KATNIP: variants seen among roughly 807,000 people sequenced by gnomAD.
KATNIP encodes the protein katanin interacting protein.
KATNIP carries 126 observed loss-of-function variants against 174.0 expected under a neutral mutation model. The ratio of observed to expected loss-of-function variants is 0.72; its 90% CI spans 0.63 to 0.84. The LOEUF is 0.84. KATNIP is among the 40% of genes least tolerant of loss of function. The pLI is 0.00. For synonymous variants in KATNIP, 810 were observed against 835.7 expected, an observed-to-expected ratio of 0.97 and a Z score of 0.53; for missense variants, 1,958 against 2,109.7, an observed-to-expected ratio of 0.93 and a Z score of 1.41.
intron 15 of KATNIP, among the ~76,000 whole-genome samples, chr16:27,747,685 G>A (rs766889982): frequency 3.9e-5 from 6 of 152,080 alleles, no homozygotes; most frequent in Non-Finnish European, 5.9e-5. Flanking sequence ...TGAGTGGAAG[G>A]GGAAGTGGAG....
chr16:27,736,812 C>G (rs955346915), intron 14 of KATNIP, among the ~76,000 whole-genome samples: 1 of 152,136 alleles, frequency 6.6e-6, no homozygotes, highest in Non-Finnish European at 1.5e-5. Flanking sequence ...TTGGGGGAGA[C>G]AGCCCAGAGT....
Position 27,771,618 on chromosome 16 carries a change from C to T in KATNIP, c.4164C>T (p.Ser1388=). The T allele has an allele frequency of 6.2e-6, 10 of 1,613,586 alleles. No homozygotes were observed. Among genetic ancestry groups the T allele is most frequent in the Non-Finnish European group, 8.5e-6 (10 of 1,179,760 alleles). Residue 1388 remains serine (S), a synonymous_variant, in exon 22 of 28, where the codon AGC becomes AGT. Coordinates refer to ENST00000261588, the MANE Select transcript of KATNIP (RefSeq NM_015202.5). ...RLDMRSLECA[S]MDYEAPLMPC... Reference sequence around the variant, plus strand: ...ACATGAGAAGCCTGGAGTGTGCAAGCATGGACTACGAGGCACCGCTGATGC... The same window carrying T: ...ACATGAGAAGCCTGGAGTGTGCAAGTATGGACTACGAGGCACCGCTGATGC...
intron 6 of KATNIP, among the ~76,000 whole-genome samples, chr16:27,666,030 T>C (rs894778359): frequency 4.6e-5 from 7 of 152,256 alleles, no homozygotes; most frequent in African/African-American, 1.7e-4. Context: ...ATTTGGTCTT[T>C]ATCCTGCTAT....
intron 6 of KATNIP, among the ~76,000 whole-genome samples, chr16:27,668,842 C>G (rs1006030079): frequency 6.6e-6 from 1 of 152,008 alleles, no homozygotes; most frequent in Non-Finnish European, 1.5e-5. Context: ...CTCATCTCTA[C>G]AAAAAAACTA....
At chr16:27,735,170 A>T (rs543992084) in intron 14 of KATNIP, among the ~76,000 whole-genome samples, 27 of 152,210 alleles carry the variant, frequency 1.8e-4, no homozygotes, top group African/African-American at 6.3e-4. Context: ...TGACCCCTGC[A>T]TACCACTGAT....
At chr16:27,647,412 G>C (rs1420335112) in intron 5 of KATNIP, among the ~76,000 whole-genome samples, 2 of 151,924 alleles carry the variant, frequency 1.3e-5, no homozygotes, top group Non-Finnish European at 2.9e-5. Context: ...TGTGATCTTG[G>C]CTCACTGCAG....
At chr16:27,739,096 A>G (rs2081007031) in intron 14 of KATNIP, among the ~76,000 whole-genome samples, 1 of 152,026 alleles carries the variant, frequency 6.6e-6, no homozygotes, top group Non-Finnish European at 1.5e-5. Flanking sequence ...AGAGAGACCA[A>G]TTAGGAGGCG....
chr16:27,556,553 TTATAC>T (rs935868287), intron 1 of KATNIP, among the ~76,000 whole-genome samples: 1 of 152,252 alleles, frequency 6.6e-6, no homozygotes, highest in African/African-American at 2.4e-5. Flanking sequence ...TTTCCCTTGT[TTATAC>T]TGTTCATTTG....
intron 8 of KATNIP, among the ~76,000 whole-genome samples, chr16:27,688,314 C>T (rs991064191): frequency 3.9e-5 from 6 of 152,022 alleles, no homozygotes; most frequent in Non-Finnish European, 7.4e-5. Flanking sequence ...TCAGATTGGC[C>T]GGACATGGTG....
At chr16:27,660,716 T>C (rs907698576) in intron 6 of KATNIP, among the ~76,000 whole-genome samples, 1 of 151,502 alleles carries the variant, frequency 6.6e-6, no homozygotes, top group Non-Finnish European at 1.5e-5. Flanking sequence ...GGTGCAATTA[T>C]AGTGCACTAC....
At chr16:27,750,399 C>T in intron 16 of KATNIP, 93 bp downstream of exon 16, 1 of 1,166,820 alleles carries the variant, frequency 8.6e-7, no homozygotes, top group East Asian at 2.4e-5. Flanking sequence ...TAGCCAACAA[C>T]AGATCAGTCC....
intron 14 of KATNIP, among the ~76,000 whole-genome samples, chr16:27,734,897 C>T (rs1035623408): frequency 6.6e-5 from 10 of 152,298 alleles, no homozygotes; most frequent in African/African-American, 2.4e-4. Context: ...TTGGGGAAGG[C>T]ATGTGCCTCA....
chr16:27,639,804 T>C (rs777564961), intron 5 of KATNIP, among the ~76,000 whole-genome samples: 3 of 152,234 alleles, frequency 2.0e-5, no homozygotes, highest in Non-Finnish European at 2.9e-5. Flanking sequence ...GCATTGGCCT[T>C]TCCAGTGACC....
At chr16:27,622,121 G>C (rs1008179194) in intron 3 of KATNIP, among the ~76,000 whole-genome samples, 2 of 152,144 alleles carry the variant, frequency 1.3e-5, no homozygotes, top group East Asian at 3.9e-4. Flanking sequence ...GAATGGTGCT[G>C]TACCCAGTGG....
At chr16:27,677,078 T>G (rs1008715041) in intron 6 of KATNIP, among the ~76,000 whole-genome samples, 5 of 152,180 alleles carry the variant, frequency 3.3e-5, no homozygotes, top group African/African-American at 1.2e-4. Flanking sequence ...TAGATCTTAA[T>G]GCTTAGCCAT....
At chr16:27,771,456 C>T in intron 21 of KATNIP, 132 bp from the exon 22 acceptor site, 1 of 768,176 alleles carries the variant, frequency 1.3e-6, no homozygotes, top group East Asian at 2.7e-5. Flanking sequence ...GGCCTCATCT[C>T]TCTTTTCCCT....
At chr16:27,592,319 T>C (rs1300922314) in intron 2 of KATNIP, among the ~76,000 whole-genome samples, 1 of 147,678 alleles carries the variant, frequency 6.8e-6, no homozygotes, top group Non-Finnish European at 1.5e-5. Flanking sequence ...GTTTTACTCT[T>C]GTTGCCCAGG....
At chr16:27,561,734 C>T (rs2089893033) in intron 1 of KATNIP, among the ~76,000 whole-genome samples, 2 of 152,128 alleles carry the variant, frequency 1.3e-5, no homozygotes, top group African/African-American at 2.4e-5. Context: ...TGTAACGAGT[C>T]CCAAACTATT....
At chr16:27,775,749 C>A (rs535555809) in intron 24 of KATNIP, among the ~76,000 whole-genome samples, 1 of 152,184 alleles carries the variant, frequency 6.6e-6, no homozygotes, top group Non-Finnish European at 1.5e-5. Flanking sequence ...AGATGCACAG[C>A]GGGTTCTTGG....
Sources: allele counts gnomAD v4.1 joint callset (sites outside exome capture counted in the v4.1 genomes callset), GRCh38; gene constraint gnomAD v4.1.1; transcripts MANE v1.5; gene names NCBI Gene and HGNC (gene_info 2026-07-23, HGNC 2026-07-21).